AMMECR1L: variants seen among roughly 807,000 people sequenced by gnomAD.
The protein encoded by AMMECR1L is AMMECR1-like protein.
Under a neutral mutation model 36.8 loss-of-function variants are expected in AMMECR1L, and 4 were observed. The ratio of observed to expected loss-of-function variants is 0.11; its 90% CI spans 0.05 to 0.25. AMMECR1L has a LOEUF of 0.25. Ranked by LOEUF, AMMECR1L falls within the 10% of genes least tolerant of loss-of-function variation. The pLI is 1.00. For synonymous variants in AMMECR1L, 147 were observed against 148.0 expected (o/e 0.99, Z 0.05); for missense variants, 232 against 392.1 (o/e 0.59, Z 3.45).
At chr2:127,868,021 T>C (rs922336122) in intron 6 of AMMECR1L, among the ~76,000 whole-genome samples, 1 of 152,154 alleles carries the variant, frequency 6.6e-6, no homozygotes, top group Admixed American at 6.5e-5. Context: ...CTGTCAGGTG[T>C]GTGCCACCAC....
chr2:127,883,127 T>C (rs1205870271), intron 2 of AMMECR1L, among the ~76,000 whole-genome samples: 6 of 149,854 alleles, frequency 4.0e-5, no homozygotes, highest in Non-Finnish European at 8.9e-5. Flanking sequence ...AGACAGAGTC[T>C]CGCTCTGTCG....
At chr2:127,870,735 G>A in intron 5 of AMMECR1L, 79 bp downstream of exon 5, 1 of 1,081,794 alleles carries the variant, frequency 9.2e-7, no homozygotes, top group Non-Finnish European at 1.3e-6. Context: ...TTCTCTCAAT[G>A]AAGGAGATAC....
chr2:127,883,567 G>A (rs1215896314), intron 2 of AMMECR1L, among the ~76,000 whole-genome samples: 1 of 152,086 alleles, frequency 6.6e-6, no homozygotes, highest in African/African-American at 2.4e-5. Context: ...GTGTCCCTCA[G>A]AGGGGCTGGG....
rs938301705 is a variant in AMMECR1L, at chr2:127,885,821, G to A, written c.-160C>T. The A allele has an allele frequency of 1.0e-6, 1 of 985,146 alleles. No homozygotes were observed. Among genetic ancestry groups the A allele is most frequent in the African/African-American group, 1.7e-5 (1 of 57,184 alleles). The allele number at this position is 985,146 out of a possible 1,614,324, so 61.0% of individuals were successfully genotyped here. On this transcript the variant is annotated 5_prime_UTR_variant, in exon 1 of 8. Coordinates refer to ENST00000272647, the MANE Select transcript of AMMECR1L (RefSeq NM_001199140.2). Reference sequence around the variant, plus strand: ...CCCGAGTTTCCCACCTTTTCTCCTGGCCCAGACGCGGCTGGGGCGGACGGG... The same window carrying A: ...CCCGAGTTTCCCACCTTTTCTCCTGACCCAGACGCGGCTGGGGCGGACGGG...
At chr2:127,884,793 C>G (rs10183605) in intron 1 of AMMECR1L, 81,095 of 152,106 alleles carry the variant, frequency 0.53, 23,372 homozygotes, top group African/African-American at 0.76. Context: ...CGGGAGGAGA[C>G]GGTCACTGTT....
At position 127,869,352 on chromosome 2, in the gene AMMECR1L, A is replaced by G; in HGVS notation, c.724+102T>C. Reference sequence around the variant, plus strand: ...AAGAGGCAGAAAGGCCCTCATTCTCAGCTGCAGTTGGGCTGCAAGATGACA... The same window carrying G: ...AAGAGGCAGAAAGGCCCTCATTCTCGGCTGCAGTTGGGCTGCAAGATGACA... On this transcript the variant is annotated intron_variant, in intron 6 of 7. Coordinates refer to ENST00000272647, the MANE Select transcript of AMMECR1L (RefSeq NM_001199140.2). The surrounding 1 kb of genome is among the most constrained non-coding windows in gnomAD (Gnocchi z 4.7). 1.8e-6 allele frequency: 2 copies of G among 1,112,008 alleles called. No homozygotes were observed. Among genetic ancestry groups the G allele is most frequent in the African/African-American group, 1.5e-5 (1 of 64,576 alleles). 68.9% of individuals were successfully genotyped at this position (1,112,008 alleles called of 1,614,324 possible).
At chr2:127,875,691 C>G (rs1196117776) in intron 2 of AMMECR1L, among the ~76,000 whole-genome samples, 3 of 152,178 alleles carry the variant, frequency 2.0e-5, no homozygotes, top group African/African-American at 7.2e-5. Context: ...CGATTGAGAT[C>G]AAAGCTCTCT....
At position 127,866,950 on chromosome 2, in the gene AMMECR1L, G is replaced by C. The variant is rs1291961728; in HGVS notation, c.771C>G (p.Gly257=). 2 of 1,614,216 alleles carry C rather than the reference G, an allele frequency of 1.2e-6. No individual in the cohort carries two copies. ...ATTCACTGGTAATTGGAGCTTTAAA[G>C]CCACCTTTCCTGAGCAAGGAGTCTA... is the stretch of plus-strand genomic sequence containing the variant. The part of the protein sequence containing the change: ...QTIDSLLRKG[G]FKAPITSEFR... The change falls in exon 7 of 8, where the codon GGC becomes GGG. Residue 257 remains glycine, a synonymous_variant. Coordinates refer to ENST00000272647, the MANE Select transcript of AMMECR1L (RefSeq NM_001199140.2).
intron 2 of AMMECR1L, among the ~76,000 whole-genome samples, chr2:127,876,042 TCCCCG>T (rs1175034173): frequency 6.6e-6 from 1 of 151,140 alleles, no homozygotes; most frequent in Non-Finnish European, 1.5e-5. Context: ...AGGGATCCGC[TCCCCG>T]CCCCGCCCCC....
At chr2:127,885,662 C>T (rs1273801628) in intron 1 of AMMECR1L, 148 bp downstream of exon 1, 1 of 984,046 alleles carries the variant, frequency 1.0e-6, no homozygotes, top group East Asian at 1.1e-4. Flanking sequence ...CCGCTGCCCC[C>T]GGACCCTCGC....
rs376088971 is a variant in AMMECR1L, at chr2:127,865,065, G to C, written c.*29C>G. The C allele has an allele frequency of 5.1e-5, 79 of 1,549,534 alleles. No individual in the cohort carries two copies. The African/African-American group carries it at 5.4e-4, about 11-fold the overall frequency. Reference sequence around the variant, plus strand: ...ATGTCATAGCCATTGGTGGCCACGGGGGGGTGGGACTGGTCATGCAGCCGT... The same window carrying C: ...ATGTCATAGCCATTGGTGGCCACGGCGGGGTGGGACTGGTCATGCAGCCGT... On this transcript the variant is annotated 3_prime_UTR_variant, in exon 8 of 8. Coordinates refer to ENST00000272647, the MANE Select transcript of AMMECR1L (RefSeq NM_001199140.2). This position sits in a 1 kb window ranked among gnomAD's most constrained non-coding sequence, Gnocchi z 5.4.
At chr2:127,879,677 G>A (rs892392789) in intron 2 of AMMECR1L, among the ~76,000 whole-genome samples, 7 of 152,040 alleles carry the variant, frequency 4.6e-5, no homozygotes, top group Non-Finnish European at 4.4e-5. Context: ...TTCTCTTTAG[G>A]TTCGAGATTC....
rs1316738473 is a variant in AMMECR1L at position 127,864,882 on chromosome 2, CTGAGA to C, written c.*207_*211del. On this transcript the variant is annotated 3_prime_UTR_variant, in exon 8 of 8. Transcript: ENST00000272647. ...AACGGAACCCCATATTGAGGAAAGG[CTGAGA>C]TAAGGCTTGGGCCCCTCAAGTTCTG... 6 of 397,394 alleles carry C rather than the reference CTGAGA, an allele frequency of 1.5e-5. No individual in the cohort carries two copies. Among genetic ancestry groups the C allele is most frequent in the Non-Finnish European group, 2.7e-5 (6 of 218,826 alleles). The allele number at this position is 397,394 out of a possible 1,614,324, so 24.6% of individuals were successfully genotyped here.
At chr2:127,884,097 GAAA>G (rs1691645441) in intron 2 of AMMECR1L, 103 bp downstream of exon 2, 1 of 152,194 alleles carries the variant, frequency 6.6e-6, no homozygotes, top group African/African-American at 2.4e-5. Flanking sequence ...CATGGAAGTA[GAAA>G]AATACAAATG....
chr2:127,870,950 A>G lies in AMMECR1L; in HGVS notation c.519-22T>C, dbSNP rs1329002502. 4 of 1,580,806 alleles carry G rather than the reference A, an allele frequency of 2.5e-6. No homozygotes were observed. In the South Asian group the frequency reaches 4.5e-5, roughly 18 times the overall value. On this transcript the variant is annotated intron_variant, in intron 4 of 7. Transcript: ENST00000272647. Reference sequence around the variant, plus strand: ...TGCACTGGAGGGGGACAGAAAACATAGGTAAGGCTGCTCTGGAGTCAGGAG... The same window carrying G: ...TGCACTGGAGGGGGACAGAAAACATGGGTAAGGCTGCTCTGGAGTCAGGAG...
chr2:127,872,972 T>C (rs1461275321), intron 3 of AMMECR1L: 7 of 979,514 alleles, frequency 7.1e-6, no homozygotes, highest in Non-Finnish European at 8.5e-6. Flanking sequence ...TCTGTGCGTG[T>C]GTGATTTGCC....
intron 6 of AMMECR1L, among the ~76,000 whole-genome samples, chr2:127,868,521 A>C (rs1173639630): frequency 6.6e-6 from 1 of 152,186 alleles, no homozygotes; most frequent in Admixed American, 6.5e-5. Flanking sequence ...TTTTTTCTCT[A>C]TTCTAGGCTC....
chr2:127,884,938 G>C (rs1170718892), intron 1 of AMMECR1L: 1 of 156,826 alleles, frequency 6.4e-6, no homozygotes, highest in Non-Finnish European at 1.4e-5. Context: ...CTGTGGGTGG[G>C]AGAGGCCCCA....
chr2:127,875,738 T>C (rs1445995078), intron 2 of AMMECR1L, among the ~76,000 whole-genome samples: 2 of 152,156 alleles, frequency 1.3e-5, no homozygotes. Flanking sequence ...TTCTCATGCC[T>C]TGCTTGAAAT....
Sources: allele counts gnomAD v4.1 joint callset (sites outside exome capture counted in the v4.1 genomes callset), GRCh38; gene constraint gnomAD v4.1.1; non-coding constraint Gnocchi (gnomAD v3.1); transcripts MANE v1.5; gene names NCBI Gene and HGNC (gene_info 2026-07-23, HGNC 2026-07-21).